Variants in PRKD1 observed in about 807,000 individuals in gnomAD.
The protein encoded by PRKD1 is protein kinase D1, also known as serine/threonine-protein kinase D1.
PRKD1 carries 63 observed loss-of-function variants against 95.9 expected under a neutral mutation model. The observed-to-expected ratio is 0.66, with a 90% confidence interval of 0.54 to 0.81. The LOEUF (loss-of-function observed/expected upper bound fraction) is 0.81, where lower values mean the gene tolerates loss of function less well. PRKD1 is among the 30% of genes least tolerant of loss of function. The probability of loss-of-function intolerance (pLI) is 0.00; values close to 1 mark genes in which losing one functional copy is unlikely to be tolerated. For missense variants in PRKD1, 1,048 were observed against 1,165.3 expected (o/e 0.90, Z 1.47); for synonymous variants, 425 against 423.1 (o/e 1.00, Z -0.05).
rs749934203 is a variant in PRKD1 at position 29,847,543 on chromosome 14, TA to T, written c.264+79705del. On this transcript the variant is annotated intron_variant, in intron 1 of 17. Coordinates refer to ENST00000331968, the MANE Select transcript of PRKD1 (RefSeq NM_002742.3). ...AACTACAAAAGTGCAAAAACAAAAT[TA>T]AAAAAAAACAAATCTTTAAACTTGT... 4.6e-5 allele frequency among the ~76,000 whole-genome samples: 7 copies of T among 151,012 alleles called. No individual in the cohort carries two copies. The South Asian group carries it at 6.3e-4, about 14-fold the overall frequency.
chr14:29,894,600 T>C (rs989050783), intron 1 of PRKD1, among the ~76,000 whole-genome samples: 6 of 152,238 alleles, frequency 3.9e-5, no homozygotes, highest in Non-Finnish European at 8.8e-5. Flanking sequence ...AGGAGACTTG[T>C]AGTATAGCAA....
At chr14:29,760,980 T>C (rs936755087) in intron 1 of PRKD1, among the ~76,000 whole-genome samples, 10 of 152,286 alleles carry the variant, frequency 6.6e-5, no homozygotes, top group Non-Finnish European at 1.2e-4. Flanking sequence ...TCTTGCTCTG[T>C]CACCCAGGCT....
intron 1 of PRKD1, among the ~76,000 whole-genome samples, chr14:29,807,033 A>C (rs1460929638): frequency 6.6e-6 from 1 of 151,956 alleles, no homozygotes; most frequent in Non-Finnish European, 1.5e-5. Context: ...AAAAATGCAC[A>C]TGCCTCAATG....
At chr14:29,672,935 C>T (rs1479646770) in intron 2 of PRKD1, among the ~76,000 whole-genome samples, 1 of 151,798 alleles carries the variant, frequency 6.6e-6, no homozygotes, top group African/African-American at 2.4e-5. Context: ...CAGAAGGATG[C>T]ACCGGGACAG....
intron 2 of PRKD1, among the ~76,000 whole-genome samples, chr14:29,717,386 A>G (rs1280938479): frequency 6.6e-6 from 1 of 152,126 alleles, no homozygotes; most frequent in African/African-American, 2.4e-5. Flanking sequence ...TATTGGAGAT[A>G]CTGTTAATGT....
chr14:29,879,936 C>A (rs981158889), intron 1 of PRKD1, among the ~76,000 whole-genome samples: 2 of 152,092 alleles, frequency 1.3e-5, no homozygotes, highest in Non-Finnish European at 2.9e-5. Flanking sequence ...AACAGCAAAG[C>A]ATTCAAAATG....
chr14:29,733,108 A>AT (rs35777923), intron 1 of PRKD1, among the ~76,000 whole-genome samples: 24,850 of 138,810 alleles, frequency 0.18, 2,397 homozygotes, highest in South Asian at 0.28. Context: ...TTATTTATTT[A>AT]TTTTTTTTTT....
At position 29,927,394 on chromosome 14, in the gene PRKD1, G is replaced by A. The variant is rs1264254616; in HGVS notation, c.119C>T (p.Ala40Val). The A allele has an allele frequency of 8.4e-6, 13 of 1,542,088 alleles. No individual in the cohort carries two copies. The East Asian group carries it at 1.0e-4, about 12-fold the overall frequency. Reference sequence around the variant, plus strand: ...GCCCCCGACCGGGGCCGCGACAGGAGCCAAGAACGGCGCGGGCCCGGGCCC... The same window carrying A: ...GCCCCCGACCGGGGCCGCGACAGGAACCAAGAACGGCGCGGGCCCGGGCCC... ...GSGPGPAPFL[A>V]PVAAPVGGIS... The change falls in exon 1 of 18, where the codon GCT becomes GTT. Residue 40 changes from alanine (A) to valine (V), a missense_variant. Transcript: ENST00000331968.
intron 1 of PRKD1, among the ~76,000 whole-genome samples, chr14:29,897,967 G>A (rs1461389887): frequency 6.6e-6 from 1 of 151,854 alleles, no homozygotes; most frequent in Non-Finnish European, 1.5e-5. Flanking sequence ...AAAATATAAA[G>A]AAAATGTTAT....
intron 13 of PRKD1, among the ~76,000 whole-genome samples, chr14:29,619,739 G>T (rs1296367580): frequency 6.6e-6 from 1 of 152,130 alleles, no homozygotes; most frequent in African/African-American, 2.4e-5. Flanking sequence ...TTTGAGCAAG[G>T]ACTCAAAGTA....
intron 1 of PRKD1, among the ~76,000 whole-genome samples, chr14:29,781,955 T>C (rs1889066259): frequency 6.6e-6 from 1 of 152,232 alleles, no homozygotes; most frequent in South Asian, 2.1e-4. Flanking sequence ...AAATTCTTCT[T>C]CTGTGATTAA....
At chr14:29,889,924 T>A (rs1893880049) in intron 1 of PRKD1, among the ~76,000 whole-genome samples, 1 of 152,190 alleles carries the variant, frequency 6.6e-6, no homozygotes, top group South Asian at 2.1e-4. Flanking sequence ...CTTTCATTCA[T>A]CCAACAAGAA....
intron 11 of PRKD1, among the ~76,000 whole-genome samples, chr14:29,627,219 G>C (rs1317045534): frequency 6.6e-6 from 1 of 152,102 alleles, no homozygotes; most frequent in Non-Finnish European, 1.5e-5. Context: ...AAATAATCAC[G>C]GTTCCCAACC....
At chr14:29,658,993 T>C (rs45507892) in intron 4 of PRKD1, among the ~76,000 whole-genome samples, 3,349 of 152,322 alleles carry the variant, frequency 0.022, 110 homozygotes, top group African/African-American at 0.071. Flanking sequence ...ATTGCTATTA[T>C]CATTTTAAAA....
At chr14:29,749,776 A>T (rs1887392863) in intron 1 of PRKD1, among the ~76,000 whole-genome samples, 1 of 152,186 alleles carries the variant, frequency 6.6e-6, no homozygotes, top group Non-Finnish European at 1.5e-5. Flanking sequence ...ATATTTAAAA[A>T]AATCAGTGAC....
At chr14:29,689,032 C>T (rs1884066128) in intron 2 of PRKD1, among the ~76,000 whole-genome samples, 1 of 148,720 alleles carries the variant, frequency 6.7e-6, no homozygotes, top group African/African-American at 2.5e-5. Flanking sequence ...CTATGCAATA[C>T]CATTCAGGAT....
intron 1 of PRKD1, among the ~76,000 whole-genome samples, chr14:29,908,457 C>T (rs1894572669): frequency 6.6e-6 from 1 of 152,096 alleles, no homozygotes; most frequent in Admixed American, 6.5e-5. Flanking sequence ...CCACACCTGG[C>T]TAATTTTTCC....
chr14:29,599,594 T>C, intron 14 of PRKD1, 62 bp downstream of exon 14: 1 of 1,488,110 alleles, frequency 6.7e-7, no homozygotes, highest in Non-Finnish European at 9.2e-7. Flanking sequence ...AAGCTGTAGT[T>C]AAACAGTGAT....
intron 1 of PRKD1, among the ~76,000 whole-genome samples, chr14:29,850,546 A>G (rs1391228137): frequency 6.6e-6 from 1 of 152,034 alleles, no homozygotes; most frequent in African/African-American, 2.4e-5. Flanking sequence ...CTCTAGGAGG[A>G]TAACTACAAA....
Sources: allele counts gnomAD v4.1 joint callset (sites outside exome capture counted in the v4.1 genomes callset), GRCh38; gene constraint gnomAD v4.1.1; transcripts MANE v1.5; gene names NCBI Gene and HGNC (gene_info 2026-07-23, HGNC 2026-07-21).